ADISSP: variants seen among roughly 807,000 people sequenced by gnomAD.
The protein encoded by ADISSP is adipose-secreted signaling protein.
the ADISSP span, among the ~76,000 whole-genome samples, chr20:3,762,853 C>A: frequency 6.6e-6 from 1 of 152,136 alleles, no homozygotes; most frequent in Non-Finnish European, 1.5e-5. Context: ...ACACACTTAA[C>A]AGACCAAAAA....
chr20:3,758,198 AC>A, the ADISSP span, among the ~76,000 whole-genome samples: 1 of 152,178 alleles, frequency 6.6e-6, no homozygotes, highest in African/African-American at 2.4e-5. This position sits in a 1 kb window ranked among gnomAD's most constrained non-coding sequence, Gnocchi z 5.5. Context: ...GAGAAAAGAA[AC>A]TCAGGTGACC....
At chr20:3,759,483 C>T in the ADISSP span, among the ~76,000 whole-genome samples, 1 of 152,106 alleles carries the variant, frequency 6.6e-6, no homozygotes, top group South Asian at 2.1e-4. The surrounding 1 kb of genome is among the most constrained non-coding windows in gnomAD (Gnocchi z 4.6). Context: ...GCCGAGAGCA[C>T]GGCCCTAGTC....
chr20:3,759,902 C>T, the ADISSP span: 5 of 1,079,384 alleles, frequency 4.6e-6, no homozygotes, highest in South Asian at 5.5e-5. The surrounding 1 kb of genome is among the most constrained non-coding windows in gnomAD (Gnocchi z 4.6). Context: ...TTGCGTGAGC[C>T]CCAGAACCTG....
At chr20:3,766,279 G>C in the ADISSP span, among the ~76,000 whole-genome samples, 1 of 152,352 alleles carries the variant, frequency 6.6e-6, no homozygotes, top group Admixed American at 6.5e-5. Flanking sequence ...ACACAGCAGA[G>C]GCCACACATA....
the ADISSP span, among the ~76,000 whole-genome samples, chr20:3,759,504 C>T: frequency 2.0e-5 from 3 of 152,080 alleles, no homozygotes; most frequent in Admixed American, 1.3e-4. The surrounding 1 kb of genome is among the most constrained non-coding windows in gnomAD (Gnocchi z 4.6). Flanking sequence ...CTCTCTGACC[C>T]CTGGCCCCTA....
the ADISSP span, among the ~76,000 whole-genome samples, chr20:3,755,225 G>GC: frequency 1.3e-5 from 2 of 152,162 alleles, no homozygotes; most frequent in Admixed American, 6.5e-5. Flanking sequence ...CTTGGTTACT[G>GC]CCCCACGGAG....
chr20:3,766,584 G>C, the ADISSP span, among the ~76,000 whole-genome samples: 3 of 152,182 alleles, frequency 2.0e-5, no homozygotes, highest in Non-Finnish European at 2.9e-5. Context: ...CCTCCAGATA[G>C]CATGCCCCAC....
chr20:3,764,527 TTTC>T, the ADISSP span, among the ~76,000 whole-genome samples: 1 of 152,282 alleles, frequency 6.6e-6, no homozygotes, highest in East Asian at 1.9e-4. Context: ...AGCCCCAACA[TTTC>T]TTTTTTAAGG....
the ADISSP span, among the ~76,000 whole-genome samples, chr20:3,760,435 G>A: frequency 7.9e-5 from 12 of 152,240 alleles, no homozygotes; most frequent in Non-Finnish European, 1.3e-4. Context: ...CTGAGCTGCA[G>A]CTTCTAGGTG....
the ADISSP span, chr20:3,760,140 C>T: frequency 6.6e-7 from 1 of 1,518,980 alleles, no homozygotes; most frequent in African/African-American, 1.4e-5. Flanking sequence ...CAGACACCGC[C>T]ACTCACGCTC....
At chr20:3,756,067 C>T in the ADISSP span, among the ~76,000 whole-genome samples, 5 of 152,340 alleles carry the variant, frequency 3.3e-5, no homozygotes, top group African/African-American at 1.2e-4. Context: ...CTGCCAGTAT[C>T]CCAGGGTCAG....
chr20:3,754,531 C>T, the ADISSP span: 1 of 1,604,826 alleles, frequency 6.2e-7, no homozygotes, highest in Middle Eastern at 1.7e-4. Flanking sequence ...TGCCCGGGGA[C>T]AGGGGCAATT....
the ADISSP span, among the ~76,000 whole-genome samples, chr20:3,762,494 C>T: frequency 6.6e-6 from 1 of 152,208 alleles, no homozygotes; most frequent in South Asian, 2.1e-4. Context: ...CCCCAGCCTG[C>T]CAAGTAGCTG....
At chr20:3,758,956 C>G in the ADISSP span, among the ~76,000 whole-genome samples, 12 of 152,160 alleles carry the variant, frequency 7.9e-5, no homozygotes, top group Admixed American at 7.9e-4. This position sits in a 1 kb window ranked among gnomAD's most constrained non-coding sequence, Gnocchi z 5.5. Context: ...GGGCTGGTGC[C>G]AGAGCCAGGA....
chr20:3,760,202 T>C, the ADISSP span: 1 of 1,007,940 alleles, frequency 9.9e-7, no homozygotes, highest in Non-Finnish European at 1.5e-6. Flanking sequence ...GGATAGGGAG[T>C]GGGGAGGGCA....
At chr20:3,767,766 C>G in the ADISSP span, 3 of 151,758 alleles carry the variant, frequency 2.0e-5, no homozygotes, top group Admixed American at 6.6e-5. Context: ...CCCCGCGCCG[C>G]GGCCGCCCTC....
chr20:3,758,566 G>A, the ADISSP span: 1 of 1,613,536 alleles, frequency 6.2e-7, no homozygotes, highest in Non-Finnish European at 8.5e-7. The surrounding 1 kb of genome is among the most constrained non-coding windows in gnomAD (Gnocchi z 5.5). Flanking sequence ...CACTCTCCTG[G>A]GTGACCATGA....
At chr20:3,755,677 CACCTATG>C in the ADISSP span, 1 of 1,406,820 alleles carries the variant, frequency 7.1e-7, no homozygotes, top group Non-Finnish European at 9.8e-7. Context: ...CCAGTTGTGC[CACCTATG>C]ATCCCATGCG....
At chr20:3,768,043 CG>C in the ADISSP span, 3 of 152,620 alleles carry the variant, frequency 2.0e-5, no homozygotes, top group African/African-American at 7.2e-5. Flanking sequence ...GCCCCGCCCC[CG>C]CTCCTTCTTC....
Sources: allele counts gnomAD v4.1 joint callset (sites outside exome capture counted in the v4.1 genomes callset), GRCh38; gene constraint gnomAD v4.1.1; non-coding constraint Gnocchi (gnomAD v3.1); transcripts MANE v1.5; gene names NCBI Gene and HGNC (gene_info 2026-07-23, HGNC 2026-07-21).